Variants in BANK1 observed in about 807,000 individuals in gnomAD.
BANK1 encodes the protein B cell scaffold protein with ankyrin repeats 1.
In BANK1, 95 loss-of-function variants were observed where a neutral mutation model predicts 94.5. The observed-to-expected ratio is 1.00, with a 90% confidence interval of 0.85 to 1.19. The LOEUF is 1.19. Ranked by LOEUF, BANK1 falls within the 50% of genes most tolerant of loss-of-function variation. The probability of loss-of-function intolerance (pLI) is 0.00; values close to 1 mark genes in which losing one functional copy is unlikely to be tolerated. For synonymous variants in BANK1, 334 were observed against 308.4 expected, an observed-to-expected ratio of 1.08 and a Z score of -0.87; for missense variants, 987 against 932.2, an observed-to-expected ratio of 1.06 and a Z score of -0.77.
At chr4:102,073,114 C>A (rs1353720735) in intron 15 of BANK1, among the ~76,000 whole-genome samples, 1 of 151,818 alleles carries the variant, frequency 6.6e-6, no homozygotes, top group East Asian at 1.9e-4. Context: ...CTTTAAGTTC[C>A]TTGTATATTT....
In BANK1 at chr4:102,071,176, A is replaced by C. The variant is rs1430833668; in HGVS notation, c.2213-99A>C. The C allele has an allele frequency of 2.2e-6, 3 of 1,358,510 alleles. No individual in the cohort carries two copies. The African/African-American group carries it at 4.4e-5, about 20-fold the overall frequency. The allele number at this position is 1,358,510 out of a possible 1,614,324, so 84.2% of individuals were successfully genotyped here. On this transcript the variant is annotated intron_variant, in intron 13 of 16. Coordinates refer to ENST00000322953, the MANE Select transcript of BANK1 (RefSeq NM_017935.5). ...GAATGTGAGATTTCATAGCAACCTC[A>C]AAGACAAGAAGTAGTCCAACAATTA...
chr4:101,912,070 G>A (rs1330222660), intron 6 of BANK1, among the ~76,000 whole-genome samples: 1 of 152,048 alleles, frequency 6.6e-6, no homozygotes, highest in African/African-American at 2.4e-5. Flanking sequence ...CACACACAGA[G>A]GAGGTAGGGC....
chr4:101,904,058 T>C (rs1722367249), intron 6 of BANK1, among the ~76,000 whole-genome samples: 1 of 152,230 alleles, frequency 6.6e-6, no homozygotes, highest in Non-Finnish European at 1.5e-5. Context: ...TATGGGACTG[T>C]TTAACATGCC....
At chr4:102,029,138 C>T (rs555573327) in intron 9 of BANK1, among the ~76,000 whole-genome samples, 1 of 152,300 alleles carries the variant, frequency 6.6e-6, no homozygotes, top group South Asian at 2.1e-4. Flanking sequence ...CAGCTATCCT[C>T]TTACCTCAGC....
At chr4:101,913,107 G>T (rs1722719636) in intron 6 of BANK1, among the ~76,000 whole-genome samples, 1 of 152,150 alleles carries the variant, frequency 6.6e-6, no homozygotes, top group Admixed American at 6.5e-5. Context: ...CATCTGGTTT[G>T]TGCACTTTTA....
intron 1 of BANK1, among the ~76,000 whole-genome samples, chr4:101,813,289 G>A (rs2148855371): frequency 6.6e-6 from 1 of 152,234 alleles, no homozygotes; most frequent in African/African-American, 2.4e-5. Context: ...TAAGTCACAT[G>A]TATTTGGTTC....
At chr4:101,940,709 G>A (rs1473813048) in intron 7 of BANK1, among the ~76,000 whole-genome samples, 2 of 151,748 alleles carry the variant, frequency 1.3e-5, no homozygotes, top group South Asian at 2.1e-4. Context: ...CTGAAGTTAA[G>A]GGTTCTGAGG....
At chr4:102,020,811 C>T (rs960822887) in intron 7 of BANK1, among the ~76,000 whole-genome samples, 3 of 152,134 alleles carry the variant, frequency 2.0e-5, no homozygotes, top group Non-Finnish European at 4.4e-5. Flanking sequence ...TCCAGTCAAT[C>T]TCCATCCCTT....
chr4:102,036,261 AACTC>A (rs1238373019), intron 10 of BANK1, among the ~76,000 whole-genome samples: 2 of 152,226 alleles, frequency 1.3e-5, no homozygotes, highest in Non-Finnish European at 2.9e-5. Context: ...TGTCAAGTGC[AACTC>A]ACTTGCTCTC....
At chr4:102,027,123 T>C (rs1415564009) in intron 9 of BANK1, among the ~76,000 whole-genome samples, 1 of 152,198 alleles carries the variant, frequency 6.6e-6, no homozygotes, top group Non-Finnish European at 1.5e-5. Flanking sequence ...GTACACTGAC[T>C]ACAAAATTCT....
In BANK1 at chr4:101,830,544, G is replaced by A. The variant is rs547974313; in HGVS notation, c.469+338G>A. Among the ~76,000 whole-genome samples, 5 of 152,242 alleles carry A rather than the reference G, an allele frequency of 3.3e-5. No individual in the cohort carries two copies. The South Asian group carries it at 6.2e-4, about 19-fold the overall frequency. On this transcript the variant is annotated intron_variant, in intron 2 of 16. Transcript: ENST00000322953. ...AGCTGGTTTCTTATGTAACTGGTGAGGCATGAGTTAATATACTCTAGTGGT... is the reference window on the plus strand; with the variant it reads ...AGCTGGTTTCTTATGTAACTGGTGAAGCATGAGTTAATATACTCTAGTGGT...
At chr4:102,025,117 A>C in intron 8 of BANK1, 84 bp from the exon 9 acceptor site, 1 of 1,418,838 alleles carries the variant, frequency 7.0e-7, no homozygotes, top group African/African-American at 1.4e-5. Flanking sequence ...TAGCAGTACT[A>C]CTATTTCTGT....
At chr4:101,982,272 CAT>C (rs964805672) in intron 7 of BANK1, among the ~76,000 whole-genome samples, 32 of 151,364 alleles carry the variant, frequency 2.1e-4, no homozygotes, top group South Asian at 4.1e-4. Flanking sequence ...ATAATAAAAA[CAT>C]ATTTTAATAA....
At position 101,862,533 on chromosome 4, in the gene BANK1, G is replaced by T; in HGVS notation, c.632G>T (p.Gly211Val). 1 of 1,600,848 alleles carries T rather than the reference G, an allele frequency of 6.2e-7. No individual in the cohort carries two copies. Among genetic ancestry groups the T allele is most frequent in the Non-Finnish European group, 8.5e-7 (1 of 1,175,032 alleles). Residue 211 changes from glycine to valine, a missense_variant, in exon 4 of 17, where the codon GGT becomes GTT. By Grantham distance (109) the Gly-to-Val change is moderately radical (BLOSUM62 -3). Coordinates refer to ENST00000322953, the MANE Select transcript of BANK1 (RefSeq NM_017935.5). ...TACATTTTCATCTTACAGAATCCTGGTGAAATATTCATAATTTTGAGAGAT... is the reference window on the plus strand; with the variant it reads ...TACATTTTCATCTTACAGAATCCTGTTGAAATATTCATAATTTTGAGAGAT... ...LPTEIPCENP[G>V]EIFIILRDEV...
chr4:101,926,134 G>A (rs191970515), intron 7 of BANK1, among the ~76,000 whole-genome samples: 131 of 151,644 alleles, frequency 8.6e-4, no homozygotes, highest in Admixed American at 1.9e-3. Context: ...TGTAGATTGG[G>A]TATATACTTT....
intron 7 of BANK1, among the ~76,000 whole-genome samples, chr4:101,973,757 A>T (rs1725032549): frequency 6.6e-6 from 1 of 152,120 alleles, no homozygotes; most frequent in Non-Finnish European, 1.5e-5. Flanking sequence ...AGTTTTATAA[A>T]TGGAAACAAA....
At chr4:101,825,711 T>G (rs1194929488) in intron 1 of BANK1, among the ~76,000 whole-genome samples, 1 of 151,928 alleles carries the variant, frequency 6.6e-6, no homozygotes, top group Non-Finnish European at 1.5e-5. Flanking sequence ...AAATAATAAT[T>G]GAGAAAACTA....
chr4:101,885,594 A>G (rs1369393267), intron 5 of BANK1, among the ~76,000 whole-genome samples: 1 of 151,638 alleles, frequency 6.6e-6, no homozygotes, highest in African/African-American at 2.4e-5. Context: ...ATCTTATACA[A>G]CTCCCTGTAT....
intron 6 of BANK1, 48 bp from the exon 7 acceptor site, chr4:101,917,945 T>C: frequency 1.5e-6 from 2 of 1,375,600 alleles, no homozygotes; most frequent in Non-Finnish European, 2.0e-6. Context: ...TTAATGAGAT[T>C]GCCAATAAAA....
Sources: allele counts gnomAD v4.1 joint callset (sites outside exome capture counted in the v4.1 genomes callset), GRCh38; gene constraint gnomAD v4.1.1; transcripts MANE v1.5; gene names NCBI Gene and HGNC (gene_info 2026-07-23, HGNC 2026-07-21).